Variants in ORC3 observed in about 807,000 individuals in gnomAD.
ORC3 encodes origin recognition complex subunit 3.
In ORC3, 78 loss-of-function variants were observed where a neutral mutation model predicts 100.7. The ratio of observed to expected loss-of-function variants is 0.77; its 90% CI spans 0.65 to 0.94. The LOEUF (loss-of-function observed/expected upper bound fraction) is 0.94. ORC3 is among the 40% of genes least tolerant of loss of function. The pLI is 0.00. For synonymous variants in ORC3, 295 were observed against 289.3 expected, an observed-to-expected ratio of 1.02 and a Z score of -0.20; for missense variants, 789 against 823.9, an observed-to-expected ratio of 0.96 and a Z score of 0.52.
At chr6:87,653,433 T>G (rs1769431520) in intron 14 of ORC3, among the ~76,000 whole-genome samples, 184 bp downstream of exon 14, 1 of 152,218 alleles carries the variant, frequency 6.6e-6, no homozygotes, top group African/African-American at 2.4e-5. Context: ...GTTTCTCTTC[T>G]AGATTTGGTT....
intron 16 of ORC3, among the ~76,000 whole-genome samples, chr6:87,662,640 T>G (rs1195756828): frequency 6.6e-6 from 1 of 152,188 alleles, no homozygotes; most frequent in Non-Finnish European, 1.5e-5. Context: ...AAATGCTATC[T>G]TAAAGATTTC....
At chr6:87,610,932 T>C (rs1240008145) in intron 7 of ORC3, among the ~76,000 whole-genome samples, 1 of 136,310 alleles carries the variant, frequency 7.3e-6, no homozygotes, top group East Asian at 2.1e-4. Context: ...ATTAGGACTT[T>C]TCTTTTTTTT....
chr6:87,658,563 T>C (rs1258886759), intron 16 of ORC3, among the ~76,000 whole-genome samples: 2 of 152,218 alleles, frequency 1.3e-5, no homozygotes, highest in East Asian at 3.8e-4. Context: ...AATATAGGCT[T>C]AAATTTGATC....
intron 13 of ORC3, among the ~76,000 whole-genome samples, chr6:87,642,518 G>A (rs1401440226): frequency 6.6e-6 from 1 of 152,068 alleles, no homozygotes; most frequent in East Asian, 1.9e-4. Context: ...GGGAGGCAGA[G>A]GTTGCAGTGA....
intron 13 of ORC3, among the ~76,000 whole-genome samples, chr6:87,640,869 G>A (rs558111535): frequency 6.6e-6 from 1 of 152,284 alleles, no homozygotes; most frequent in East Asian, 1.9e-4. Context: ...GGAGGCCAAG[G>A]TGGGGGCAGA....
downstream of ORC3, among the ~76,000 whole-genome samples, chr6:87,669,701 ATTC>A (rs1201784808): frequency 1.2e-4 from 19 of 152,338 alleles, no homozygotes; most frequent in Admixed American, 2.6e-4. Flanking sequence ...TATTCTAGTC[ATTC>A]TTCTTCTAGT....
intron 13 of ORC3, among the ~76,000 whole-genome samples, chr6:87,638,859 T>C (rs1768012963): frequency 6.6e-6 from 1 of 152,086 alleles, no homozygotes; most frequent in Admixed American, 6.6e-5. Context: ...TAAGTACTTA[T>C]ATGTGAATAA....
intron 9 of ORC3, among the ~76,000 whole-genome samples, chr6:87,618,967 A>T (rs1779354205): frequency 6.6e-6 from 1 of 152,210 alleles, no homozygotes; most frequent in Non-Finnish European, 1.5e-5. Context: ...TGTGTTAGAC[A>T]TAAAGATTTT....
chr6:87,619,407 T>C (rs1192313072), intron 9 of ORC3, among the ~76,000 whole-genome samples: 3 of 152,174 alleles, frequency 2.0e-5, no homozygotes, highest in Non-Finnish European at 4.4e-5. Context: ...CATGGTTTTT[T>C]TGTTTTTGTT....
chr6:87,675,844 A>G, the ORC3 span: 7 of 1,608,398 alleles, frequency 4.4e-6, no homozygotes, highest in African/African-American at 9.4e-5. Flanking sequence ...TATAACTTCA[A>G]AGGTGAAATA....
At chr6:87,597,710 CAT>C (rs1208375189) in intron 2 of ORC3, among the ~76,000 whole-genome samples, 27 of 140,698 alleles carry the variant, frequency 1.9e-4, no homozygotes, top group African/African-American at 5.4e-4. Context: ...CACACACACA[CAT>C]ATATATATAA....
chr6:87,652,966 G>GA (rs1195164227), intron 13 of ORC3, 150 bp from the exon 14 acceptor site: 2 of 576,754 alleles, frequency 3.5e-6, no homozygotes, highest in Middle Eastern at 4.9e-4. Context: ...ATATATGGAG[G>GA]AAAATCTCTC....
chr6:87,629,649 C>T (rs1038563497), intron 11 of ORC3, among the ~76,000 whole-genome samples: 3 of 152,150 alleles, frequency 2.0e-5, no homozygotes, highest in African/African-American at 7.2e-5. Context: ...GTGTGCCCAT[C>T]ACCTGAATAG....
intron 13 of ORC3, among the ~76,000 whole-genome samples, chr6:87,652,564 G>T (rs977863913): frequency 1.6e-4 from 24 of 152,206 alleles, no homozygotes; most frequent in Non-Finnish European, 3.4e-4. Context: ...AGTTTAAATG[G>T]TGATAATTAG....
At chr6:87,624,517 T>G (rs560776519) in intron 11 of ORC3, among the ~76,000 whole-genome samples, 1 of 152,140 alleles carries the variant, frequency 6.6e-6, no homozygotes, top group Non-Finnish European at 1.5e-5. Context: ...GTGTCTTGAT[T>G]TTTTAGTTTA....
At chr6:87,599,498 C>T (rs921174327) in intron 2 of ORC3, among the ~76,000 whole-genome samples, 1 of 151,694 alleles carries the variant, frequency 6.6e-6, no homozygotes, top group African/African-American at 2.4e-5. Context: ...CTCCTGAGTA[C>T]CTGGGACTAC....
intron 2 of ORC3, 61 bp downstream of exon 2, chr6:87,594,468 C>G: frequency 1.4e-6 from 2 of 1,438,444 alleles, no homozygotes; most frequent in Non-Finnish European, 1.9e-6. Flanking sequence ...AGGAACTAAC[C>G]CTAATTGAAT....
the ORC3 span, chr6:87,675,073 T>C: frequency 6.7e-6 from 1 of 149,288 alleles, no homozygotes; most frequent in Admixed American, 6.6e-5. Flanking sequence ...AAAAAAATCA[T>C]ACAAACCCAT....
chr6:87,675,791 A>G, the ORC3 span: 1 of 1,510,176 alleles, frequency 6.6e-7, no homozygotes, highest in South Asian at 1.2e-5. Flanking sequence ...GTATGAAAAT[A>G]ATTATAATGT....
Sources: gnomAD v4.1 joint callset for allele counts (sites outside exome capture counted in the v4.1 genomes callset) on GRCh38, gnomAD v4.1.1 for gene constraint, MANE v1.5 for transcripts, NCBI Gene and HGNC (gene_info 2026-07-23, HGNC 2026-07-21) for gene names.